Variants in ICA1L observed in about 807,000 individuals in gnomAD.
The protein encoded by ICA1L is islet cell autoantigen 1-like protein.
Under a neutral mutation model 61.3 loss-of-function variants are expected in ICA1L, and 50 were observed. The ratio of observed to expected loss-of-function variants is 0.82; its 90% CI spans 0.65 to 1.03. The LOEUF (loss-of-function observed/expected upper bound fraction) is 1.03, where lower values mean the gene tolerates loss of function less well. Ranked by LOEUF, ICA1L falls within the 50% of genes least tolerant of loss-of-function variation. The pLI is 0.00. For synonymous variants in ICA1L, 161 were observed against 191.3 expected (o/e 0.84, Z 1.31); for missense variants, 508 against 556.7 (o/e 0.91, Z 0.88).
chr2:202,846,231 T>C (rs1465398599), intron 1 of ICA1L, among the ~76,000 whole-genome samples: 1 of 151,980 alleles, frequency 6.6e-6, no homozygotes, highest in Non-Finnish European at 1.5e-5. Flanking sequence ...GTTATACTTT[T>C]ACCCTTTTTG....
intron 1 of ICA1L, chr2:202,840,686 T>TCCTGCTTGG: frequency 3.3e-6 from 2 of 599,210 alleles, no homozygotes. Context: ...CTACGCCATG[T>TCCTGCTTGG]CCTGCTTGGC....
chr2:202,794,641 C>G (rs1692868607), intron 10 of ICA1L, among the ~76,000 whole-genome samples: 1 of 152,044 alleles, frequency 6.6e-6, no homozygotes. Flanking sequence ...AAGAATTCAG[C>G]TATATACCAG....
intron 1 of ICA1L, among the ~76,000 whole-genome samples, chr2:202,862,762 G>A (rs1025431273): frequency 3.3e-5 from 5 of 151,674 alleles, no homozygotes; most frequent in African/African-American, 7.3e-5. Flanking sequence ...TCTTGAACCC[G>A]AGAGGCAGAG....
chr2:202,811,771 C>T lies in ICA1L; in HGVS notation c.885G>A (p.Glu295=). 1 of 1,607,342 alleles carries T rather than the reference C, an allele frequency of 6.2e-7. No individual in the cohort carries two copies. The highest frequency in any genetic ancestry group is 8.5e-7 in the Non-Finnish European group (1 of 1,175,060). ...EQLNKLVLSD[E]EASFESEQAN... is the part of the protein sequence containing the mutation. ...CTTGTTCACTCTCAAAGCTTGCTTC[C>T]TCATCAGACAAAACTAGCCTGAAGT... is the stretch of plus-strand genomic sequence containing the variant. The change falls in exon 9 of 13, where the codon GAG becomes GAA. Residue 295 remains glutamate, a synonymous_variant. Coordinates refer to ENST00000358299, the MANE Select transcript of ICA1L (RefSeq NM_001288622.3).
At chr2:202,869,095 C>T (rs1282027228) in intron 1 of ICA1L, among the ~76,000 whole-genome samples, 1 of 151,916 alleles carries the variant, frequency 6.6e-6, no homozygotes, top group Non-Finnish European at 1.5e-5. Context: ...CGTGGTGGCT[C>T]ACGCCTGTAA....
chr2:202,788,767 CA>C, intron 11 of ICA1L, 62 bp downstream of exon 11: 1 of 1,550,260 alleles, frequency 6.5e-7, no homozygotes, highest in South Asian at 1.1e-5. Context: ...TCAATAAGCA[CA>C]CCATTTTGCT....
At chr2:202,838,867 G>C (rs1217522130) in intron 1 of ICA1L, among the ~76,000 whole-genome samples, 1 of 152,138 alleles carries the variant, frequency 6.6e-6, no homozygotes, top group Non-Finnish European at 1.5e-5. Flanking sequence ...GAAAGGGATT[G>C]GGATCCAGTG....
At chr2:202,836,800 T>TATATAGATATATATAGATATATAG (rs1553536794) in intron 1 of ICA1L, among the ~76,000 whole-genome samples, 20 of 145,806 alleles carry the variant, frequency 1.4e-4, no homozygotes, top group African/African-American at 4.7e-4. Flanking sequence ...TATATCTATA[T>TATATAGATATATATAGATATATAG]ATATAGATAT....
intron 2 of ICA1L, 22 bp from the exon 3 acceptor site, chr2:202,825,789 G>A (rs772889088): frequency 4.1e-6 from 6 of 1,458,448 alleles, no homozygotes; most frequent in Admixed American, 4.3e-5. Context: ...AATTTTATTA[G>A]GACAATTTAA....
intron 11 of ICA1L, among the ~76,000 whole-genome samples, chr2:202,787,989 A>G (rs1692639224): frequency 6.6e-6 from 1 of 152,252 alleles, no homozygotes; most frequent in African/African-American, 2.4e-5. Context: ...AAGCAACACA[A>G]GCACAGATAG....
chr2:202,780,727 G>A (rs909887297), intron 12 of ICA1L, among the ~76,000 whole-genome samples: 2 of 152,182 alleles, frequency 1.3e-5, no homozygotes, highest in African/African-American at 4.8e-5. Context: ...CCAAGGATCA[G>A]GGCAGAGTGA....
At chr2:202,794,309 G>A (rs1448779049) in intron 10 of ICA1L, among the ~76,000 whole-genome samples, 3 of 139,102 alleles carry the variant, frequency 2.2e-5, no homozygotes, top group Non-Finnish European at 3.0e-5. Flanking sequence ...TCTCACCACT[G>A]CACTCCTGCC....
Position 202,779,509 on chromosome 2 carries a change from A to T in ICA1L, c.*24T>A. 7.1e-7 allele frequency: 1 copy of T among 1,408,392 alleles called. No homozygotes were observed. Among genetic ancestry groups the T allele is most frequent in the Non-Finnish European group, 1.0e-6 (1 of 999,120 alleles). 87.2% of individuals were successfully genotyped at this position (1,408,392 alleles called of 1,614,324 possible). A position where few individuals can be genotyped will look rare whatever the true frequency, so the allele number is the denominator to read the frequency against. On this transcript the variant is annotated 3_prime_UTR_variant, in exon 13 of 13. Transcript: ENST00000358299. The stretch of plus-strand genomic sequence containing the variant: ...GTTGCAAAATTGATGTCTCAAGGCC[A>T]CTGAAGTGACATTATAACTTCAGTC...
At chr2:202,842,463 C>T (rs986500276) in intron 1 of ICA1L, among the ~76,000 whole-genome samples, 3 of 152,188 alleles carry the variant, frequency 2.0e-5, no homozygotes, top group Non-Finnish European at 4.4e-5. Context: ...TCCTTCAGCA[C>T]ATGGAATTTA....
At chr2:202,790,334 T>TA (rs1692708650) in intron 10 of ICA1L, among the ~76,000 whole-genome samples, 1 of 152,202 alleles carries the variant, frequency 6.6e-6, no homozygotes, top group South Asian at 2.1e-4. Flanking sequence ...AATAAGCATT[T>TA]AAAATCTCTG....
intron 9 of ICA1L, among the ~76,000 whole-genome samples, chr2:202,811,436 G>A (rs1172292895): frequency 1.2e-4 from 18 of 151,856 alleles, no homozygotes; most frequent in Admixed American, 1.2e-3. Context: ...GGGCGGATCG[G>A]ATCACAAGGT....
chr2:202,792,871 T>C (rs1248484297), intron 10 of ICA1L, among the ~76,000 whole-genome samples: 1 of 152,100 alleles, frequency 6.6e-6, no homozygotes, highest in Non-Finnish European at 1.5e-5. Flanking sequence ...CCAAAAACCA[T>C]TAAGTGGAAG....
intron 9 of ICA1L, among the ~76,000 whole-genome samples, chr2:202,799,878 CTTT>C (rs768203103): frequency 4.5e-5 from 6 of 133,930 alleles, no homozygotes; most frequent in Admixed American, 1.5e-4. Context: ...CTGCTTTATA[CTTT>C]TTTTTTTTTT....
intron 9 of ICA1L, among the ~76,000 whole-genome samples, chr2:202,801,678 C>A (rs1029962998): frequency 4.6e-5 from 7 of 152,124 alleles, no homozygotes; most frequent in African/African-American, 1.7e-4. Flanking sequence ...AAAATGTAAG[C>A]TGAAACCAGA....
Sources: allele counts gnomAD v4.1 joint callset (sites outside exome capture counted in the v4.1 genomes callset), GRCh38; gene constraint gnomAD v4.1.1; transcripts MANE v1.5; gene names NCBI Gene and HGNC (gene_info 2026-07-23, HGNC 2026-07-21).